The following THRB variants were observed in gnomAD, a reference collection of about 807,000 sequenced individuals.
THRB encodes thyroid hormone receptor beta, also known as nuclear receptor subfamily 1 group A member 2.
A neutral mutation model predicts 47.8 loss-of-function variants in THRB; 12 were observed. That is an observed-to-expected ratio of 0.25 (90% CI 0.16 to 0.41). The LOEUF (loss-of-function observed/expected upper bound fraction) is 0.41, where lower values mean the gene tolerates loss of function less well. THRB is among the 10% of genes least tolerant of loss of function. The pLI is 1.00. For missense variants in THRB, 348 were observed against 589.2 expected, an observed-to-expected ratio of 0.59 and a Z score of 4.24; for synonymous variants, 218 against 212.2, an observed-to-expected ratio of 1.03 and a Z score of -0.24.
intron 1 of THRB, among the ~76,000 whole-genome samples, chr3:24,351,512 C>T (rs549418881): frequency 6.6e-6 from 1 of 152,096 alleles, no homozygotes; most frequent in African/African-American, 2.4e-5. Flanking sequence ...CAGTGGTATG[C>T]ATTTTGTTAA....
At chr3:24,270,272 G>C (rs1240590227) in intron 3 of THRB, among the ~76,000 whole-genome samples, 1 of 152,048 alleles carries the variant, frequency 6.6e-6, no homozygotes, top group Non-Finnish European at 1.5e-5. Context: ...TACTGGACAG[G>C]GTGCAATTTT....
chr3:24,433,119 A>T (rs1056939785), intron 1 of THRB, among the ~76,000 whole-genome samples: 5 of 152,084 alleles, frequency 3.3e-5, no homozygotes, highest in African/African-American at 1.2e-4. Context: ...GAATTTACTT[A>T]ATCTCTCAAA....
intron 8 of THRB, among the ~76,000 whole-genome samples, chr3:24,138,595 G>A (rs186807421): frequency 7.4e-4 from 112 of 152,304 alleles, no homozygotes; most frequent in African/African-American, 2.5e-3. Context: ...AACCTTGGCT[G>A]TCTGGTTCCA....
At position 24,326,756 on chromosome 3, in the gene THRB, CTTTTTTTTTT is replaced by C. The variant is rs1174687260; in HGVS notation, c.-189+10534_-189+10543del. Reference sequence around the variant, plus strand: ...TTCACTAGAAGCTGTCCAGTCTTGTCTTTTTTTTTTTTTTTTTTTTTTTTTTGAGATGGAG... The same window carrying C: ...TTCACTAGAAGCTGTCCAGTCTTGTCTTTTTTTTTTTTTTTTGAGATGGAG... On this transcript the variant is annotated intron_variant, in intron 2 of 10. Transcript: ENST00000646209. Among the ~76,000 whole-genome samples the C allele has an allele frequency of 2.1e-3, 104 of 50,006 alleles. 2 individuals carry two copies. Among genetic ancestry groups the C allele is most frequent in the South Asian group, 4.9e-3 (6 of 1,220 alleles). 32.8% of individuals were successfully genotyped at this position (50,006 alleles called of 152,430 possible). A position where few individuals can be genotyped will look rare whatever the true frequency, so the allele number is the denominator to read the frequency against.
intron 9 of THRB, among the ~76,000 whole-genome samples, chr3:24,128,836 A>G (rs1463949741): frequency 6.7e-6 from 1 of 148,528 alleles, no homozygotes; most frequent in African/African-American, 2.5e-5. Flanking sequence ...TCAGAATCCA[A>G]TGCCAAGAGA....
At chr3:24,124,674 A>AT (rs1249295835) in intron 10 of THRB, among the ~76,000 whole-genome samples, 9 of 152,118 alleles carry the variant, frequency 5.9e-5, no homozygotes, top group African/African-American at 2.2e-4. Context: ...GATCATTTTC[A>AT]TTTTTTCTCT....
intron 6 of THRB, among the ~76,000 whole-genome samples, chr3:24,149,324 A>G (rs2036560061): frequency 6.6e-6 from 1 of 152,160 alleles, no homozygotes; most frequent in African/African-American, 2.4e-5. Context: ...GCTTACTAGG[A>G]TAGGAAGATT....
At chr3:24,270,244 A>G (rs2150631908) in intron 3 of THRB, among the ~76,000 whole-genome samples, 1 of 152,336 alleles carries the variant, frequency 6.6e-6, no homozygotes. Flanking sequence ...GATGTGTTAG[A>G]CACTTAACCA....
At chr3:24,495,647 G>A (rs1162508854), upstream of THRB, 1 of 152,292 alleles carries the variant, frequency 6.6e-6, no homozygotes, top group Non-Finnish European at 1.5e-5. Context: ...AATGGGGAAC[G>A]AGTGACACCG....
chr3:24,353,535 G>A (rs1370242898), intron 1 of THRB, among the ~76,000 whole-genome samples: 1 of 152,044 alleles, frequency 6.6e-6, no homozygotes. Flanking sequence ...TTTTTCATGT[G>A]GTTTCTAGTT....
At chr3:24,182,180 G>C (rs551015297) in intron 5 of THRB, among the ~76,000 whole-genome samples, 1 of 151,982 alleles carries the variant, frequency 6.6e-6, no homozygotes, top group Non-Finnish European at 1.5e-5. Context: ...CAGCCTGGGC[G>C]ACAGAGTGAG....
At chr3:24,455,574 A>T (rs1577697674) in intron 1 of THRB, 2 of 152,214 alleles carry the variant, frequency 1.3e-5, no homozygotes, top group Non-Finnish European at 2.9e-5. Context: ...TAATACTTTT[A>T]AAAATAATCA....
At chr3:24,277,737 C>T (rs1356166203) in intron 3 of THRB, among the ~76,000 whole-genome samples, 1 of 152,028 alleles carries the variant, frequency 6.6e-6, no homozygotes, top group African/African-American at 2.4e-5. Flanking sequence ...ATAAAGTTAC[C>T]CCAAATTTCA....
intron 1 of THRB, among the ~76,000 whole-genome samples, chr3:24,424,492 G>A (rs1180026399): frequency 6.6e-6 from 1 of 151,866 alleles, no homozygotes; most frequent in Non-Finnish European, 1.5e-5. Flanking sequence ...AAATTCTTTG[G>A]TTCCACCCAG....
chr3:24,332,491 T>C (rs577332877), intron 2 of THRB, among the ~76,000 whole-genome samples: 1 of 152,356 alleles, frequency 6.6e-6, no homozygotes, highest in Non-Finnish European at 1.5e-5. Flanking sequence ...CAATGTATTA[T>C]GTTGGTATAC....
chr3:24,340,992 T>C (rs1361450994), intron 1 of THRB, among the ~76,000 whole-genome samples: 1 of 152,084 alleles, frequency 6.6e-6, no homozygotes, highest in African/African-American at 2.4e-5. Flanking sequence ...CTGCGTTCCT[T>C]TCAATGATTT....
intron 4 of THRB, among the ~76,000 whole-genome samples, chr3:24,227,113 T>G (rs1162097128): frequency 8.2e-6 from 1 of 121,980 alleles, no homozygotes; most frequent in African/African-American, 3.0e-5. Flanking sequence ...GGGTATGTTC[T>G]TTGAGTCCAG....
chr3:24,165,059 T>C (rs749371690), intron 5 of THRB: 1 of 762,378 alleles, frequency 1.3e-6, no homozygotes, highest in South Asian at 1.3e-5. Context: ...CGACTGCACT[T>C]GAGAAAAAGT....
At chr3:24,163,540 C>T (rs1048665498) in intron 5 of THRB, among the ~76,000 whole-genome samples, 1 of 152,144 alleles carries the variant, frequency 6.6e-6, no homozygotes, top group Non-Finnish European at 1.5e-5. Flanking sequence ...TTTCTTACAA[C>T]ACTACAAAAG....
Sources: gnomAD v4.1 joint callset for allele counts (sites outside exome capture counted in the v4.1 genomes callset) on GRCh38, gnomAD v4.1.1 for gene constraint, MANE v1.5 for transcripts, NCBI Gene and HGNC (gene_info 2026-07-23, HGNC 2026-07-21) for gene names.